The following FANCA variants were observed in gnomAD, a reference collection of about 807,000 sequenced individuals.
The protein encoded by FANCA is FA complementation group A.
In FANCA, 236 loss-of-function variants were observed where a neutral mutation model predicts 194.3. The observed-to-expected ratio is 1.21, with a 90% CI of 1.09 to 1.35. The LOEUF is 1.35. Among genes scored for constraint, FANCA ranks in the 40% most tolerant of loss-of-function variants. The pLI, the probability that FANCA is intolerant of heterozygous loss-of-function variation, is 0.00. For synonymous variants in FANCA, 1,014 were observed against 715.8 expected (o/e 1.42, Z -6.65); for missense variants, 2,628 against 1,813.9 (o/e 1.45, Z -8.15).
At chr16:89,789,725 C>T (rs1372843567) in intron 14 of FANCA, among the ~76,000 whole-genome samples, 1 of 151,520 alleles carries the variant, frequency 6.6e-6, no homozygotes, top group African/African-American at 2.4e-5. Context: ...AGGCATGAGC[C>T]ACTGTACCTG....
At chr16:89,792,658 G>A (rs867482360) in intron 11 of FANCA, 111 bp from the exon 12 acceptor site, 25 of 828,808 alleles carry the variant, frequency 3.0e-5, no homozygotes, top group Admixed American at 2.8e-4. Context: ...GTGCGGCGAC[G>A]AGAGAGTGTA....
intron 30 of FANCA, among the ~76,000 whole-genome samples, chr16:89,756,193 TG>T (rs2038762194): frequency 6.6e-6 from 1 of 152,198 alleles, no homozygotes; most frequent in Non-Finnish European, 1.5e-5. Flanking sequence ...AGTTTTCAAA[TG>T]GGCTAAGGAT....
intron 16 of FANCA, 24 bp from the exon 17 acceptor site, chr16:89,782,942 A>G (rs370361730): frequency 1.4e-5 from 23 of 1,613,400 alleles, no homozygotes; most frequent in Non-Finnish European, 1.7e-5. Context: ...ACAGAATGAG[A>G]ACAAGAAAAC....
At chr16:89,777,828 C>G (rs1436667710) in intron 20 of FANCA, among the ~76,000 whole-genome samples, 1 of 151,990 alleles carries the variant, frequency 6.6e-6, no homozygotes, top group African/African-American at 2.4e-5. Context: ...CAGTTCTCCT[C>G]TCTGCACAAT....
chr16:89,765,886 C>A lies in FANCA; in HGVS notation c.2602-820G>T, dbSNP rs190756579. The stretch of plus-strand genomic sequence containing the variant: ...TACGTGCACCCTGGATCCTCAGGGG[C>A]TGCTCCCAGATTCTGACTTAATTTA... On this transcript the variant is annotated intron_variant, in intron 27 of 42. Transcript: ENST00000389301. 2.6e-5 allele frequency among the ~76,000 whole-genome samples: 4 copies of A among 152,350 alleles called. No homozygotes were observed. The South Asian group carries it at 8.3e-4, about 32-fold the overall frequency.
rs533812797 is a variant in FANCA, at chr16:89,738,446, T to G, written c.*155A>C. The G allele has an allele frequency of 7.2e-7, 1 of 1,394,302 alleles. No individual in the cohort carries two copies. Among genetic ancestry groups the G allele is most frequent in the Non-Finnish European group, 9.8e-7 (1 of 1,018,766 alleles). The allele number at this position is 1,394,302 out of a possible 1,614,324, so 86.4% of individuals were successfully genotyped here. ...TATTTTCCCGCAAACGCTGAGTGAC[T>G]CGGGGCCGGACAGTTCATAAATAAT... On this transcript the variant is annotated 3_prime_UTR_variant, in exon 43 of 43. Transcript: ENST00000389301.
chr16:89,767,120 A>T (rs2039155481), intron 27 of FANCA, 21 bp downstream of exon 27: 3 of 1,575,734 alleles, frequency 1.9e-6, no homozygotes, highest in Non-Finnish European at 2.6e-6. Context: ...GAATGGAAAA[A>T]TAGGAAAAGA....
In FANCA at chr16:89,744,966, C is replaced by G; in HGVS notation, c.3619G>C (p.Ala1207Pro). The G allele has an allele frequency of 6.2e-7, 1 of 1,611,752 alleles. No individual in the cohort carries two copies. The change falls in exon 36 of 43, where the codon GCC (alanine) becomes CCC (proline). Residue 1207 changes from alanine (A) to proline (P), a missense_variant. By Grantham distance (27) the Ala-to-Pro change is conservative. Coordinates refer to ENST00000389301, the MANE Select transcript of FANCA (RefSeq NM_000135.4). ...LQKLQEGRQF[A>P]SDFLSPEAAS... is the part of the protein sequence containing the mutation. ...CTCACCACCCACACGTACTCGCTGGCAAACTGCCGGCCTTCTTGTAGCTTC... is the reference window on the plus strand; with the variant it reads ...CTCACCACCCACACGTACTCGCTGGGAAACTGCCGGCCTTCTTGTAGCTTC...
rs779896483 is a variant in FANCA, at chr16:89,775,734, G to C, written c.1900+8C>G. On this transcript the variant is annotated splice_region_variant and intron_variant, in intron 21 of 42. Transcript: ENST00000389301. ...GTCCCAGAGTGGACAAGCGGCCCAGGAACTTACCTTCTGGCTTCTCTTCAG... is the reference window on the plus strand; with the variant it reads ...GTCCCAGAGTGGACAAGCGGCCCAGCAACTTACCTTCTGGCTTCTCTTCAG... The C allele has an allele frequency of 1.2e-6, 2 of 1,609,144 alleles. No homozygotes were observed. The highest frequency in any genetic ancestry group is 1.7e-6 in the Non-Finnish European group (2 of 1,177,190).
intron 18 of FANCA, among the ~76,000 whole-genome samples, chr16:89,779,603 G>C: frequency 6.6e-6 from 1 of 152,142 alleles, no homozygotes; most frequent in Non-Finnish European, 1.5e-5. Context: ...CACAGCTCTT[G>C]ACCTCACCCC....
chr16:89,740,559 C>T, intron 38 of FANCA: 1 of 542,628 alleles, frequency 1.8e-6, no homozygotes, highest in Non-Finnish European at 3.3e-6. Flanking sequence ...TTGCTTGAAC[C>T]CAGGAGGCTG....
intron 2 of FANCA, among the ~76,000 whole-genome samples, chr16:89,815,252 G>T (rs1434039493): frequency 6.6e-6 from 1 of 151,040 alleles, no homozygotes; most frequent in South Asian, 2.1e-4. Flanking sequence ...GGTCAGGCTG[G>T]TCTCGAACTC....
rs1330646289 is a variant in FANCA at position 89,784,899 on chromosome 16, C to T, written c.1425G>A (p.Thr475=). ...CSKKALVFLF[T]FLSELVPFES... ...CAAAAGGCACGAGTTCTGACAAGAA[C>T]GTAAACAGGAAGACCAGGGCCTTCT... Residue 475 remains threonine (T), a synonymous_variant, in exon 15 of 43, where the codon ACG becomes ACA. Transcript: ENST00000389301. 1.9e-6 allele frequency: 3 copies of T among 1,614,038 alleles called. No homozygotes were observed. The highest frequency in any genetic ancestry group is 2.2e-5 in the East Asian group (1 of 44,898).
intron 37 of FANCA, among the ~76,000 whole-genome samples, chr16:89,741,530 C>T (rs914952280): frequency 6.6e-6 from 1 of 152,068 alleles, no homozygotes; most frequent in Non-Finnish European, 1.5e-5. Flanking sequence ...ATGCTTGTTT[C>T]TGTTCCTGTT....
rs370594051 is a variant in FANCA at position 89,785,853 on chromosome 16, G to GTTTTTTTTTT, written c.1360-890_1360-889insAAAAAAAAAA. ...TCTTTCTGAAAGCGTGCAAAATTGT[G>GTTTTTTTTTT]TTTTGTTTTTTTTTTTTTGGAGACA... is the stretch of plus-strand genomic sequence containing the variant. On this transcript the variant is annotated intron_variant, in intron 14 of 42. Transcript: ENST00000389301. Among the ~76,000 whole-genome samples, 4 of 113,166 alleles carry GTTTTTTTTTT rather than the reference G, an allele frequency of 3.5e-5. 2 individuals carry two copies. The highest frequency in any genetic ancestry group is 7.3e-5 in the African/African-American group (2 of 27,400). 74.2% of individuals were successfully genotyped at this position (113,166 alleles called of 152,430 possible).
intron 10 of FANCA, among the ~76,000 whole-genome samples, chr16:89,796,954 C>T (rs2040268750): frequency 6.6e-6 from 1 of 151,890 alleles, no homozygotes. Flanking sequence ...GTCAGGAGCT[C>T]GAGACCATCC....
At chr16:89,750,501 A>AC (rs1555539124) in intron 31 of FANCA, among the ~76,000 whole-genome samples, 2 of 145,698 alleles carry the variant, frequency 1.4e-5, no homozygotes, top group East Asian at 2.2e-4. Flanking sequence ...ACAAACAAAA[A>AC]AAAACAGCCA....
At chr16:89,787,913 G>A (rs1014673374) in intron 14 of FANCA, among the ~76,000 whole-genome samples, 2 of 151,084 alleles carry the variant, frequency 1.3e-5, no homozygotes, top group African/African-American at 4.9e-5. Context: ...TTGCTCCATT[G>A]CCCAGGCTGG....
rs2038841799 is a variant in FANCA, at chr16:89,758,628, A to C, written c.2930T>G (p.Leu977Arg). ...SSASGGCDGD[L>R]QAACTILVNA... ...GACAAGAATGGTACACGCAGCCTGC[A>C]GGTCTCCGTCACAGCCCCCTGAAGC... Residue 977 changes from leucine (L) to arginine (R), a missense_variant, in exon 30 of 43, where the codon CTG becomes CGG. By Grantham distance (102) the Leu-to-Arg change is moderately radical. Coordinates refer to ENST00000389301, the MANE Select transcript of FANCA (RefSeq NM_000135.4). 1.2e-6 allele frequency: 2 copies of C among 1,614,078 alleles called. No homozygotes were observed. Among genetic ancestry groups the C allele is most frequent in the Non-Finnish European group, 1.7e-6 (2 of 1,179,946 alleles).
Sources: allele counts gnomAD v4.1 joint callset (sites outside exome capture counted in the v4.1 genomes callset), GRCh38; gene constraint gnomAD v4.1.1; transcripts MANE v1.5; gene names NCBI Gene and HGNC (gene_info 2026-07-23, HGNC 2026-07-21).